NTN1: variants seen among roughly 807,000 people sequenced by gnomAD.
The protein encoded by NTN1 is netrin-1.
In NTN1, 11 loss-of-function variants were observed where a neutral mutation model predicts 54.2. That is an observed-to-expected ratio of 0.20 (90% confidence interval 0.13 to 0.34). The LOEUF is 0.34. NTN1 is among the 10% of genes least tolerant of loss of function. The pLI is 1.00. For synonymous variants in NTN1, 371 were observed against 382.0 expected (o/e 0.97, Z 0.33); for missense variants, 740 against 893.1 (o/e 0.83, Z 2.18).
In NTN1 at chr17:9,221,517, G is replaced by C. The variant is rs11870243; in HGVS notation, c.1486+275G>C. Reference sequence around the variant, plus strand: ...GCTGGCCTCTGGCTTTGACTCTGCCGCTGATGGGCTGTGTGGCCACAGACC... The same window carrying C: ...GCTGGCCTCTGGCTTTGACTCTGCCCCTGATGGGCTGTGTGGCCACAGACC... On this transcript the variant is annotated intron_variant, in intron 6 of 6. Coordinates refer to ENST00000173229, the MANE Select transcript of NTN1 (RefSeq NM_004822.3). The surrounding 1 kb of genome is among the most constrained non-coding windows in gnomAD (Gnocchi z 4.5). 6.6e-6 allele frequency among the ~76,000 whole-genome samples: 1 copy of C among 152,192 alleles called. No individual in the cohort carries two copies. Among genetic ancestry groups the C allele is most frequent in the Non-Finnish European group, 1.5e-5 (1 of 68,032 alleles).
At chr17:9,030,897 C>G (rs1473806905) in intron 2 of NTN1, among the ~76,000 whole-genome samples, 1 of 152,130 alleles carries the variant, frequency 6.6e-6, no homozygotes, top group Non-Finnish European at 1.5e-5. Flanking sequence ...CAGCTAGTGC[C>G]TTGCTGAGGA....
chr17:9,152,090 T>G (rs909823165), intron 2 of NTN1, among the ~76,000 whole-genome samples: 4 of 152,324 alleles, frequency 2.6e-5, no homozygotes, highest in African/African-American at 9.6e-5. Context: ...CGGGTCACCT[T>G]CCACGCTGTG....
At chr17:9,075,278 C>T (rs956380425) in intron 2 of NTN1, among the ~76,000 whole-genome samples, 5 of 152,056 alleles carry the variant, frequency 3.3e-5, no homozygotes, top group African/African-American at 7.2e-5. Context: ...CCCAGGAGTT[C>T]GAGACTAGCC....
intron 2 of NTN1, among the ~76,000 whole-genome samples, chr17:9,086,133 A>G (rs2092089349): frequency 6.6e-6 from 1 of 152,070 alleles, no homozygotes; most frequent in South Asian, 2.1e-4. Flanking sequence ...TCTTTTTATG[A>G]GGGGTTTTCT....
intron 6 of NTN1, among the ~76,000 whole-genome samples, chr17:9,231,732 C>T (rs183574000): frequency 8.1e-6 from 1 of 123,240 alleles, no homozygotes; most frequent in East Asian, 3.6e-4. Context: ...TATTAATATA[C>T]ATCTGCAGGC....
the NTN1 span, among the ~76,000 whole-genome samples, chr17:9,005,765 C>T: frequency 6.6e-6 from 1 of 152,168 alleles, no homozygotes; most frequent in Non-Finnish European, 1.5e-5. Flanking sequence ...GAATGTGCAG[C>T]CAATGAGGGA....
chr17:9,142,375 G>A (rs946853066), intron 2 of NTN1, among the ~76,000 whole-genome samples: 1 of 152,072 alleles, frequency 6.6e-6, no homozygotes, highest in African/African-American at 2.4e-5. Flanking sequence ...CAGACAAGAT[G>A]TACAACCTCC....
intron 2 of NTN1, among the ~76,000 whole-genome samples, chr17:9,126,033 C>T (rs1030152909): frequency 6.6e-6 from 1 of 152,250 alleles, no homozygotes; most frequent in African/African-American, 2.4e-5. Context: ...GGCATCGTCC[C>T]CAGCCAGCCT....
the NTN1 span, among the ~76,000 whole-genome samples, chr17:9,013,300 T>C: frequency 2.4e-4 from 34 of 143,476 alleles, no homozygotes; most frequent in African/African-American, 7.5e-4. Flanking sequence ...CACTGCAACC[T>C]CCGCCTCCCA....
At chr17:9,137,490 T>C (rs1415043221) in intron 2 of NTN1, among the ~76,000 whole-genome samples, 1 of 152,200 alleles carries the variant, frequency 6.6e-6, no homozygotes, top group Admixed American at 6.5e-5. Flanking sequence ...CATGTGTCTC[T>C]ACCTGTAAGA....
chr17:9,017,689 T>C (rs1038675977), upstream of NTN1, among the ~76,000 whole-genome samples: 22 of 152,224 alleles, frequency 1.4e-4, no homozygotes, highest in African/African-American at 5.3e-4. Flanking sequence ...ACCCAAAATC[T>C]GCACTGTTGC....
chr17:9,074,071 G>A (rs1335456837), intron 2 of NTN1, among the ~76,000 whole-genome samples: 4 of 152,222 alleles, frequency 2.6e-5, no homozygotes, highest in African/African-American at 9.6e-5. Flanking sequence ...CAGTGGCTAT[G>A]TTGAGTGAAG....
At chr17:9,172,188 A>T (rs1160427802) in intron 3 of NTN1, among the ~76,000 whole-genome samples, 1 of 152,036 alleles carries the variant, frequency 6.6e-6, no homozygotes, top group Non-Finnish European at 1.5e-5. Flanking sequence ...GCGCCTGGCC[A>T]GGCTAACCTT....
At chr17:9,184,638 A>G (rs904338572) in intron 5 of NTN1, among the ~76,000 whole-genome samples, 7 of 152,224 alleles carry the variant, frequency 4.6e-5, no homozygotes, top group African/African-American at 9.6e-5. Flanking sequence ...ACAGACCTCA[A>G]TGATCTATCT....
intron 6 of NTN1, among the ~76,000 whole-genome samples, chr17:9,235,195 C>T (rs1269396493): frequency 2.0e-5 from 3 of 152,126 alleles, no homozygotes; most frequent in East Asian, 3.9e-4. Context: ...GAACTCCTGA[C>T]CTCAGGTGAT....
chr17:9,228,316 C>T (rs1905669221), intron 6 of NTN1, among the ~76,000 whole-genome samples: 1 of 152,192 alleles, frequency 6.6e-6, no homozygotes, highest in African/African-American at 2.4e-5. Context: ...AGAAGCTAGG[C>T]ATAGCACGAG....
At chr17:9,145,363 A>C (rs1442206742) in intron 2 of NTN1, among the ~76,000 whole-genome samples, 1 of 152,230 alleles carries the variant, frequency 6.6e-6, no homozygotes, top group East Asian at 1.9e-4. Flanking sequence ...CTAATGTCAT[A>C]AAACAACGCC....
the NTN1 span, among the ~76,000 whole-genome samples, chr17:9,006,168 A>AG: frequency 1.9e-5 from 1 of 53,780 alleles, no homozygotes; most frequent in African/African-American, 7.7e-5. Context: ...AGAAGCCATC[A>AG]GGTACGGGGG....
intron 2 of NTN1, among the ~76,000 whole-genome samples, chr17:9,096,759 T>C (rs2092133445): frequency 6.6e-6 from 1 of 152,220 alleles, no homozygotes; most frequent in Admixed American, 6.5e-5. Context: ...GGCTACACCA[T>C]TCAGAACAAT....
Sources: allele counts gnomAD v4.1 joint callset (sites outside exome capture counted in the v4.1 genomes callset), GRCh38; gene constraint gnomAD v4.1.1; non-coding constraint Gnocchi (gnomAD v3.1); transcripts MANE v1.5; gene names NCBI Gene and HGNC (gene_info 2026-07-23, HGNC 2026-07-21).